MARCHF1: variants seen among roughly 807,000 people sequenced by gnomAD.
MARCHF1 encodes the protein E3 ubiquitin-protein ligase MARCHF1.
MARCHF1 carries 40 observed loss-of-function variants against 54.2 expected under a neutral mutation model. The observed-to-expected ratio is 0.74, with a 90% confidence interval of 0.57 to 0.96. The LOEUF (loss-of-function observed/expected upper bound fraction) is 0.96, where lower values mean the gene tolerates loss of function less well. Ranked by LOEUF, MARCHF1 falls within the 40% of genes least tolerant of loss-of-function variation. The probability of loss-of-function intolerance (pLI) is 0.00; values close to 1 mark genes in which losing one functional copy is unlikely to be tolerated. For synonymous variants in MARCHF1, 236 were observed against 236.3 expected (o/e 1.00, Z 0.01); for missense variants, 586 against 656.5 (o/e 0.89, Z 1.17).
intron 4 of MARCHF1, among the ~76,000 whole-genome samples, chr4:163,822,276 G>T (rs533566833): frequency 1.3e-5 from 2 of 151,662 alleles, no homozygotes; most frequent in African/African-American, 2.4e-5. Context: ...AAAGCTACCT[G>T]CTCTGTAATT....
At chr4:164,265,991 A>C (rs1733601555) in intron 1 of MARCHF1, among the ~76,000 whole-genome samples, 2 of 152,200 alleles carry the variant, frequency 1.3e-5, no homozygotes, top group Admixed American at 6.6e-5. Flanking sequence ...TTTCACTATA[A>C]GACTGTAATT....
At chr4:163,935,064 C>T (rs905424723) in intron 3 of MARCHF1, among the ~76,000 whole-genome samples, 16 of 152,086 alleles carry the variant, frequency 1.1e-4, no homozygotes, top group African/African-American at 3.9e-4. Context: ...GTTGTGTTAA[C>T]AGACATACAA....
intron 1 of MARCHF1, among the ~76,000 whole-genome samples, chr4:164,268,227 TAAAGACCAA>T (rs1205749483): frequency 6.6e-6 from 1 of 152,128 alleles, no homozygotes. Flanking sequence ...AAACTATGAG[TAAAGACCAA>T]GACAATTGTG....
At chr4:164,178,976 C>G (rs2111006447) in intron 1 of MARCHF1, among the ~76,000 whole-genome samples, 1 of 152,206 alleles carries the variant, frequency 6.6e-6, no homozygotes, top group African/African-American at 2.4e-5. Flanking sequence ...ATGATACTAC[C>G]TGGAGAAAAA....
Position 163,747,700 on chromosome 4 carries a change from A to G in MARCHF1, c.112-46837T>C, listed in dbSNP as rs180975174. ...TAACAACTGAAATTTAAAAACTCAC[A>G]TAACAATAAATTAGATGCCACTGAT... is the stretch of plus-strand genomic sequence containing the variant. On this transcript the variant is annotated intron_variant, in intron 4 of 9. Transcript: ENST00000514618. Among the ~76,000 whole-genome samples, 88 of 152,346 alleles carry G rather than the reference A, an allele frequency of 5.8e-4. 1 individual carries two copies. In the East Asian group the frequency reaches 0.011, roughly 20 times the overall value.
At chr4:164,026,598 G>A (rs965927323) in intron 2 of MARCHF1, among the ~76,000 whole-genome samples, 2 of 151,886 alleles carry the variant, frequency 1.3e-5, no homozygotes, top group African/African-American at 4.8e-5. Flanking sequence ...AAAATAATAA[G>A]AGCCATCTAT....
At chr4:163,983,417 T>C (rs976357203) in intron 3 of MARCHF1, among the ~76,000 whole-genome samples, 1 of 152,158 alleles carries the variant, frequency 6.6e-6, no homozygotes, top group African/African-American at 2.4e-5. Flanking sequence ...TTTTTCCATA[T>C]TTTCTGAATT....
At chr4:164,115,464 C>A (rs914111820) in intron 1 of MARCHF1, among the ~76,000 whole-genome samples, 1 of 151,844 alleles carries the variant, frequency 6.6e-6, no homozygotes, top group African/African-American at 2.4e-5. Flanking sequence ...TTTATGAGAG[C>A]GATAATGGAA....
intron 5 of MARCHF1, among the ~76,000 whole-genome samples, chr4:163,642,857 CTG>C (rs995842203): frequency 4.6e-5 from 7 of 152,028 alleles, no homozygotes; most frequent in Admixed American, 2.0e-4. Flanking sequence ...AGGCAATAGA[CTG>C]AAAGTATTTA....
chr4:163,629,032 C>T (rs923380805), intron 5 of MARCHF1, among the ~76,000 whole-genome samples: 2 of 152,084 alleles, frequency 1.3e-5, no homozygotes, highest in African/African-American at 4.8e-5. Context: ...ACTTTCTTCA[C>T]AGAATTAGAA....
chr4:163,644,741 G>C (rs1215382339), intron 5 of MARCHF1, among the ~76,000 whole-genome samples: 1 of 152,186 alleles, frequency 6.6e-6, no homozygotes, highest in Non-Finnish European at 1.5e-5. Flanking sequence ...TGTGGCTTGA[G>C]AGCAGTTCTG....
At chr4:164,190,445 G>C in intron 1 of MARCHF1, 2 of 399,864 alleles carry the variant, frequency 5.0e-6, no homozygotes. Flanking sequence ...TGTCACCTCA[G>C]AGTGGAGTTG....
chr4:164,168,281 G>A (rs1383831867), intron 1 of MARCHF1, among the ~76,000 whole-genome samples: 2 of 151,952 alleles, frequency 1.3e-5, no homozygotes. Flanking sequence ...AGCAAATGTT[G>A]GTGTGGGTGT....
At chr4:164,138,394 C>T (rs754552572) in intron 1 of MARCHF1, among the ~76,000 whole-genome samples, 26 of 151,828 alleles carry the variant, frequency 1.7e-4, no homozygotes, top group African/African-American at 6.1e-4. Context: ...AGTCAGTGAG[C>T]CAAAGAAGAG....
chr4:163,569,755 A>C (rs1298881516), intron 8 of MARCHF1, among the ~76,000 whole-genome samples: 1 of 152,148 alleles, frequency 6.6e-6, no homozygotes, highest in Non-Finnish European at 1.5e-5. Context: ...AGGCTATTGG[A>C]TTACTTTGTA....
chr4:164,268,944 T>A (rs1334910226), intron 1 of MARCHF1, among the ~76,000 whole-genome samples: 1 of 152,150 alleles, frequency 6.6e-6, no homozygotes, highest in Non-Finnish European at 1.5e-5. Flanking sequence ...AGGTCAGAAT[T>A]CTGAGAAGCT....
Position 163,831,397 on chromosome 4 carries a change from A to C in MARCHF1, c.111+22624T>G, listed in dbSNP as rs567645402. Among the ~76,000 whole-genome samples the C allele has an allele frequency of 2.0e-5, 3 of 152,292 alleles. No individual in the cohort carries two copies. In the East Asian group the frequency reaches 5.8e-4, roughly 29 times the overall value. On this transcript the variant is annotated intron_variant, in intron 4 of 9. Coordinates refer to ENST00000514618, the MANE Select transcript of MARCHF1 (RefSeq NM_001394959.1). Reference sequence around the variant, plus strand: ...CCAGGACTTCAAAATCAGCCTGGGCAACATAGTGAGACCTTGTGTCTACAA... The same window carrying C: ...CCAGGACTTCAAAATCAGCCTGGGCCACATAGTGAGACCTTGTGTCTACAA...
chr4:163,678,581 C>T (rs1743992756), intron 5 of MARCHF1, among the ~76,000 whole-genome samples: 1 of 152,136 alleles, frequency 6.6e-6, no homozygotes, highest in African/African-American at 2.4e-5. Flanking sequence ...AGTATATCTC[C>T]TCTACTATCC....
At chr4:164,360,080 C>G (rs1730681244) in intron 1 of MARCHF1, among the ~76,000 whole-genome samples, 1 of 151,840 alleles carries the variant, frequency 6.6e-6, no homozygotes, top group Admixed American at 6.6e-5. Context: ...CAACACTTGC[C>G]CCAGCTTATC....
Sources: allele counts gnomAD v4.1 joint callset (sites outside exome capture counted in the v4.1 genomes callset), GRCh38; gene constraint gnomAD v4.1.1; transcripts MANE v1.5; gene names NCBI Gene and HGNC (gene_info 2026-07-23, HGNC 2026-07-21).